Variants in SPEF2 observed in about 807,000 individuals in gnomAD.
The protein encoded by SPEF2 is sperm flagella and cilia-associated protein 2.
SPEF2 carries 187 observed loss-of-function variants against 224.6 expected under a neutral mutation model. The observed-to-expected ratio is 0.83, with a 90% CI of 0.74 to 0.94. The LOEUF is 0.94. SPEF2 is among the 40% of genes least tolerant of loss of function. SPEF2 has a pLI of 0.00. For synonymous variants in SPEF2, 715 were observed against 707.3 expected, an observed-to-expected ratio of 1.01 and a Z score of -0.17; for missense variants, 2,170 against 2,135.6, an observed-to-expected ratio of 1.02 and a Z score of -0.32.
intron 14 of SPEF2, among the ~76,000 whole-genome samples, 194 bp from the exon 15 acceptor site, chr5:35,697,496 G>A (rs1464550885): frequency 6.6e-6 from 1 of 152,182 alleles, no homozygotes; most frequent in Non-Finnish European, 1.5e-5. Flanking sequence ...ATCTTGGAAG[G>A]GAGGGAGGCT....
chr5:35,800,734 C>G (rs1757305345), intron 34 of SPEF2, among the ~76,000 whole-genome samples: 1 of 152,102 alleles, frequency 6.6e-6, no homozygotes, highest in Non-Finnish European at 1.5e-5. Flanking sequence ...AATGTGCTTC[C>G]TAGGTGCCCA....
intron 36 of SPEF2, among the ~76,000 whole-genome samples, chr5:35,811,524 C>T (rs1758528588): frequency 6.6e-6 from 1 of 152,024 alleles, no homozygotes; most frequent in African/African-American, 2.4e-5. Flanking sequence ...TGGGTTCATA[C>T]CTATGAAGTG....
intron 28 of SPEF2, among the ~76,000 whole-genome samples, chr5:35,775,074 G>C (rs1753420601): frequency 1.3e-5 from 2 of 152,092 alleles, no homozygotes; most frequent in African/African-American, 4.8e-5. Context: ...AGTTGCTGGA[G>C]ACACACATTT....
At chr5:35,811,149 A>G (rs1260425701) in intron 36 of SPEF2, among the ~76,000 whole-genome samples, 1 of 152,110 alleles carries the variant, frequency 6.6e-6, no homozygotes, top group African/African-American at 2.4e-5. Context: ...ATGGAGAGAA[A>G]AGAATCTTTG....
intron 27 of SPEF2, 58 bp downstream of exon 27, chr5:35,771,814 A>G (rs1366979039): frequency 6.5e-7 from 1 of 1,539,182 alleles, no homozygotes; most frequent in East Asian, 2.3e-5. Context: ...TTCGTAGAAA[A>G]CGAGCATTTA....
chr5:35,708,221 C>T (rs1022217117), intron 18 of SPEF2, among the ~76,000 whole-genome samples: 3 of 152,016 alleles, frequency 2.0e-5, no homozygotes, highest in Admixed American at 6.6e-5. Flanking sequence ...ATTGCTAAGG[C>T]TTAATTGAAG....
At chr5:35,766,459 T>A (rs1043005743) in intron 26 of SPEF2, among the ~76,000 whole-genome samples, 1 of 152,092 alleles carries the variant, frequency 6.6e-6, no homozygotes, top group Non-Finnish European at 1.5e-5. Context: ...TTATTTAAAA[T>A]GGCCTACATT....
rs968774193 is a variant in SPEF2, at chr5:35,771,871, G to A, written c.3949+115G>A. On this transcript the variant is annotated intron_variant, in intron 27 of 36. Transcript: ENST00000356031. The stretch of plus-strand genomic sequence containing the variant: ...TAAGCCACTAAAATACTACTCATTA[G>A]GTTTAAACTAGAGACCCGGGCTTCT... The A allele has an allele frequency of 1.0e-5, 13 of 1,254,146 alleles. No individual in the cohort carries two copies. The African/African-American group carries it at 2.0e-4, about 19-fold the overall frequency. The allele number at this position is 1,254,146 out of a possible 1,614,324, so 77.7% of individuals were successfully genotyped here.
At chr5:35,649,462 A>C in intron 6 of SPEF2, 37 bp downstream of exon 6, 2 of 1,509,638 alleles carry the variant, frequency 1.3e-6, no homozygotes, top group Non-Finnish European at 1.8e-6. Context: ...ACAAAACCGC[A>C]TTCTGTTCTA....
intron 1 of SPEF2, among the ~76,000 whole-genome samples, chr5:35,628,195 A>C (rs933414289): frequency 6.6e-6 from 1 of 152,230 alleles, no homozygotes; most frequent in Admixed American, 6.5e-5. Flanking sequence ...ATTTTAAAAA[A>C]AAATTTTATC....
chr5:35,812,367 T>C (rs530642726), intron 36 of SPEF2, among the ~76,000 whole-genome samples: 1 of 152,202 alleles, frequency 6.6e-6, no homozygotes, highest in African/African-American at 2.4e-5. Flanking sequence ...AGATTTTGCG[T>C]TGGACATTAT....
rs774636522 is a variant in SPEF2, at chr5:35,779,313, C to T, written c.4414C>T (p.Leu1472Phe). Residue 1472 changes from leucine (L) to phenylalanine (F), a missense_variant, in exon 30 of 37, where the codon CTT (leucine) becomes TTT (phenylalanine). Physicochemically the swap from Leu to Phe is conservative, Grantham distance 22 (BLOSUM62 0). Transcript: ENST00000356031. ...GTLTIEQLDS[L>F]RDQFLDMAPK... ...CCTGACCATTGAACAGCTTGACAGTCTTCGAGATCAGTTCTTAGATATGGC... is the reference window on the plus strand; with the variant it reads ...CCTGACCATTGAACAGCTTGACAGTTTTCGAGATCAGTTCTTAGATATGGC... 2.8e-5 allele frequency: 45 copies of T among 1,611,850 alleles called. No individual in the cohort carries two copies. The highest frequency in any genetic ancestry group is 1.0e-5 in the Non-Finnish European group (12 of 1,179,242).
At position 35,780,922 on chromosome 5, in the gene SPEF2, A is replaced by G. The variant is rs147628308; in HGVS notation, c.4447+1576A>G. Among the ~76,000 whole-genome samples, 24 of 152,256 alleles carry G rather than the reference A, an allele frequency of 1.6e-4. No individual in the cohort carries two copies. In the East Asian group the frequency reaches 4.3e-3, roughly 27 times the overall value. On this transcript the variant is annotated intron_variant, in intron 30 of 36. Transcript: ENST00000356031. ...TAGTATCCATGATGCTAATCATAATACTTTCTTGGATCCAACCTCAAATCC... is the reference window on the plus strand; with the variant it reads ...TAGTATCCATGATGCTAATCATAATGCTTTCTTGGATCCAACCTCAAATCC...
intron 2 of SPEF2, among the ~76,000 whole-genome samples, chr5:35,640,601 T>A (rs992910576): frequency 6.6e-6 from 1 of 152,226 alleles, no homozygotes; most frequent in Admixed American, 6.5e-5. Context: ...TTTAGTCTCA[T>A]GCTGAGAAGG....
intron 36 of SPEF2, among the ~76,000 whole-genome samples, chr5:35,808,925 A>C (rs1281007876): frequency 6.6e-6 from 1 of 151,216 alleles, no homozygotes; most frequent in Non-Finnish European, 1.5e-5. Flanking sequence ...CTGTTTAGAC[A>C]CGAAGCCTAT....
intron 21 of SPEF2, among the ~76,000 whole-genome samples, chr5:35,737,772 C>G (rs990621362): frequency 6.6e-6 from 1 of 152,108 alleles, no homozygotes; most frequent in Non-Finnish European, 1.5e-5. Flanking sequence ...AGATCTAGAT[C>G]CCTGAAGAAT....
At chr5:35,807,077 TAACA>T in intron 35 of SPEF2, 50 bp from the exon 36 acceptor site, 1 of 1,571,998 alleles carries the variant, frequency 6.4e-7, no homozygotes, top group Non-Finnish European at 8.6e-7. Context: ...CCATTTTTTT[TAACA>T]TCTACTGGAT....
At chr5:35,734,470 CA>C (rs60801007) in intron 21 of SPEF2, among the ~76,000 whole-genome samples, 51,283 of 151,490 alleles carry the variant, frequency 0.34, 8,871 homozygotes, top group Middle Eastern at 0.4. Context: ...AAGAAAATCA[CA>C]AAAACATCTC....
intron 20 of SPEF2, among the ~76,000 whole-genome samples, chr5:35,713,926 GTA>G (rs1465950983): frequency 4.2e-5 from 2 of 47,924 alleles, no homozygotes; most frequent in Admixed American, 3.1e-4. Context: ...TTTATATATA[GTA>G]TATATGTTAT....
Sources: allele counts gnomAD v4.1 joint callset (sites outside exome capture counted in the v4.1 genomes callset), GRCh38; gene constraint gnomAD v4.1.1; transcripts MANE v1.5; gene names NCBI Gene and HGNC (gene_info 2026-07-23, HGNC 2026-07-21).